The following SRRM4 variants were observed in gnomAD, a reference collection of about 807,000 sequenced individuals.
The protein encoded by SRRM4 is serine/arginine repetitive matrix 4, also known as serine/arginine repetitive matrix protein 4.
SRRM4 carries 33 observed loss-of-function variants against 68.9 expected under a neutral mutation model. That is an observed-to-expected ratio of 0.48 (90% CI 0.36 to 0.64). SRRM4 has a LOEUF of 0.64. Among genes scored for constraint, SRRM4 ranks in the 30% least tolerant of loss-of-function variants. The pLI is 0.00. For synonymous variants in SRRM4, 318 were observed against 318.8 expected, an observed-to-expected ratio of 1.00 and a Z score of 0.03; for missense variants, 817 against 827.1, an observed-to-expected ratio of 0.99 and a Z score of 0.15.
chr12:119,145,283 C>T (rs775771680), intron 8 of SRRM4, 98 bp from the exon 9 acceptor site: 16 of 1,021,356 alleles, frequency 1.6e-5, no homozygotes, highest in Non-Finnish European at 2.2e-5. Context: ...TCTTTCCTTT[C>T]GTTACAGTGC....
At chr12:119,106,712 G>A (rs1272535345) in intron 2 of SRRM4, among the ~76,000 whole-genome samples, 1 of 152,192 alleles carries the variant, frequency 6.6e-6, no homozygotes, top group Non-Finnish European at 1.5e-5. Context: ...ATTTTGAGCT[G>A]AGACAATGGG....
At chr12:119,121,512 A>G (rs1646379115) in intron 5 of SRRM4, among the ~76,000 whole-genome samples, 2 of 152,204 alleles carry the variant, frequency 1.3e-5, no homozygotes, top group Non-Finnish European at 2.9e-5. Context: ...GAGAGTTCAA[A>G]TATCTTCCTG....
At chr12:119,064,861 T>C (rs1034612454) in intron 1 of SRRM4, among the ~76,000 whole-genome samples, 1 of 152,110 alleles carries the variant, frequency 6.6e-6, no homozygotes, top group African/African-American at 2.4e-5. Flanking sequence ...TTTGGATGTG[T>C]ATTGTCAGGA....
At chr12:119,101,874 G>A (rs1954079460) in intron 1 of SRRM4, among the ~76,000 whole-genome samples, 1 of 146,090 alleles carries the variant, frequency 6.8e-6, no homozygotes, top group South Asian at 2.2e-4. Flanking sequence ...CTATGCTGCT[G>A]TGACAAATAA....
At chr12:119,052,199 A>AAT (rs1270396424) in intron 1 of SRRM4, among the ~76,000 whole-genome samples, 2 of 152,150 alleles carry the variant, frequency 1.3e-5, no homozygotes, top group African/African-American at 4.8e-5. Flanking sequence ...CTGTGTTTAG[A>AAT]ATAATCACCG....
At chr12:119,115,536 T>G (rs80299979) in intron 3 of SRRM4, among the ~76,000 whole-genome samples, 5,365 of 152,244 alleles carry the variant, frequency 0.035, 163 homozygotes, top group East Asian at 0.096. Context: ...CCAGGTTTTC[T>G]GGAACCTTGT....
chr12:119,153,626 C>G lies in SRRM4; in HGVS notation c.1368C>G (p.Ser456Arg), dbSNP rs866652068. The change falls in exon 11 of 13, where the codon AGC becomes AGG. Residue 456 changes from serine (S) to arginine (R), a missense_variant. Physicochemically the swap from Ser to Arg is moderately radical, Grantham distance 110. Transcript: ENST00000267260. Reference sequence around the variant, plus strand: ...GCTCTAGGTCCCGCCGCAGCCCTAGCTACTCCCGCTACAGCCCCAGCAGGT... The same window carrying G: ...GCTCTAGGTCCCGCCGCAGCCCTAGGTACTCCCGCTACAGCCCCAGCAGGT... ...SRSSRSRRSPSYSRYSPSRER... is the reference protein window; with the variant it reads ...SRSSRSRRSPRYSRYSPSRER... 1 of 1,559,824 alleles carries G rather than the reference C, an allele frequency of 6.4e-7. No individual in the cohort carries two copies. Among genetic ancestry groups the G allele is most frequent in the Non-Finnish European group, 8.7e-7 (1 of 1,153,614 alleles).
intron 8 of SRRM4, among the ~76,000 whole-genome samples, chr12:119,134,526 C>T (rs897731117): frequency 1.3e-5 from 2 of 152,060 alleles, no homozygotes; most frequent in Non-Finnish European, 2.9e-5. Context: ...AGCACCAGTA[C>T]TTTCTCCAGT....
chr12:119,040,777 C>A (rs1269529768), intron 1 of SRRM4, among the ~76,000 whole-genome samples: 2 of 151,990 alleles, frequency 1.3e-5, no homozygotes, highest in Non-Finnish European at 2.9e-5. Context: ...GATGGAGTCT[C>A]ACTCACTCTG....
At chr12:119,082,376 T>C (rs1040728873) in intron 1 of SRRM4, among the ~76,000 whole-genome samples, 1 of 152,168 alleles carries the variant, frequency 6.6e-6, no homozygotes, top group African/African-American at 2.4e-5. Flanking sequence ...CCAGTGTAAT[T>C]TGGGAAAATG....
intron 3 of SRRM4, among the ~76,000 whole-genome samples, chr12:119,115,044 T>G (rs1954169787): frequency 6.6e-6 from 1 of 150,684 alleles, no homozygotes; most frequent in Non-Finnish European, 1.5e-5. Flanking sequence ...GGCACCGTGG[T>G]CTTCATTATC....
chr12:119,020,639 G>T (rs1232603041), intron 1 of SRRM4, among the ~76,000 whole-genome samples: 1 of 152,242 alleles, frequency 6.6e-6, no homozygotes, highest in Non-Finnish European at 1.5e-5. Flanking sequence ...CTCAGAGCCA[G>T]CAGGCTGTCC....
At chr12:119,084,260 C>G (rs1953966931) in intron 1 of SRRM4, among the ~76,000 whole-genome samples, 1 of 152,090 alleles carries the variant, frequency 6.6e-6, no homozygotes, top group Admixed American at 6.6e-5. Context: ...GAACACCAAA[C>G]AGAGGGATTC....
chr12:119,042,165 C>G (rs1953673925), intron 1 of SRRM4, among the ~76,000 whole-genome samples: 1 of 152,044 alleles, frequency 6.6e-6, no homozygotes, highest in Non-Finnish European at 1.5e-5. Flanking sequence ...CTCCTGACTC[C>G]CAGGTCAGTG....
At chr12:119,006,983 C>A (rs567542891) in intron 1 of SRRM4, among the ~76,000 whole-genome samples, 35 of 152,174 alleles carry the variant, frequency 2.3e-4, no homozygotes, top group Non-Finnish European at 4.0e-4. Flanking sequence ...TTGGCAGCTG[C>A]GGGCCTGCTG....
At chr12:119,150,278 T>C (rs1010895759) in intron 9 of SRRM4, among the ~76,000 whole-genome samples, 4 of 151,982 alleles carry the variant, frequency 2.6e-5, no homozygotes, top group African/African-American at 9.7e-5. Context: ...TTGAGACCAG[T>C]CTGGCCAACA....
intron 1 of SRRM4, among the ~76,000 whole-genome samples, chr12:119,014,019 A>G (rs1393744362): frequency 7.2e-5 from 11 of 152,082 alleles, no homozygotes. Flanking sequence ...TCATTACTTG[A>G]TAAGTTGGAG....
chr12:119,087,336 A>G (rs1014712418), intron 1 of SRRM4, among the ~76,000 whole-genome samples: 1 of 152,212 alleles, frequency 6.6e-6, no homozygotes, highest in African/African-American at 2.4e-5. Context: ...AAATCCAACC[A>G]TAGAGATAGA....
chr12:119,059,372 G>A (rs902387444), intron 1 of SRRM4, among the ~76,000 whole-genome samples: 3 of 152,036 alleles, frequency 2.0e-5, no homozygotes, highest in South Asian at 2.1e-4. Context: ...TTTGTTTCTC[G>A]CTATGTAGTG....
Sources: gnomAD v4.1 joint callset for allele counts (sites outside exome capture counted in the v4.1 genomes callset) on GRCh38, gnomAD v4.1.1 for gene constraint, MANE v1.5 for transcripts, NCBI Gene and HGNC (gene_info 2026-07-23, HGNC 2026-07-21) for gene names.